The following KCNN3 variants were observed in gnomAD, a reference collection of about 807,000 sequenced individuals.
KCNN3 encodes small conductance calcium-activated potassium channel protein 3.
Under a neutral mutation model 62.9 loss-of-function variants are expected in KCNN3, and 16 were observed. That is an observed-to-expected ratio of 0.25 (90% CI 0.17 to 0.39). KCNN3 has a LOEUF of 0.39. Among genes scored for constraint, KCNN3 ranks in the 10% least tolerant of loss-of-function variants. The probability of loss-of-function intolerance (pLI) is 1.00; values close to 1 mark genes in which losing one functional copy is unlikely to be tolerated. For missense variants in KCNN3, 599 were observed against 949.4 expected (o/e 0.63, Z 4.85); for synonymous variants, 370 against 389.2 (o/e 0.95, Z 0.58).
chr1:154,727,818 G>A (rs915285828), intron 4 of KCNN3, among the ~76,000 whole-genome samples: 1 of 152,206 alleles, frequency 6.6e-6, no homozygotes, highest in African/African-American at 2.4e-5. Context: ...ATCCTAGAGG[G>A]AAGATGTGTG....
chr1:154,865,230 G>A (rs1366400998), intron 1 of KCNN3, among the ~76,000 whole-genome samples: 1 of 152,092 alleles, frequency 6.6e-6, no homozygotes, highest in Non-Finnish European at 1.5e-5. Context: ...GACTCCCCAG[G>A]TCCTTGCTGG....
chr1:154,833,061 C>G (rs948966077), intron 1 of KCNN3, among the ~76,000 whole-genome samples: 1 of 152,164 alleles, frequency 6.6e-6, no homozygotes, highest in Non-Finnish European at 1.5e-5. Flanking sequence ...GCCTTATCAC[C>G]CCTCCAATTG....
intron 1 of KCNN3, among the ~76,000 whole-genome samples, chr1:154,861,711 G>A (rs1652779396): frequency 2.0e-5 from 3 of 152,168 alleles, no homozygotes; most frequent in African/African-American, 7.2e-5. Context: ...ACCACCGTCC[G>A]CCTGGGATGG....
At position 154,698,246 on chromosome 1, in the gene KCNN3, G is replaced by A. The variant is rs1430453065; in HGVS notation, c.*9730C>T. On this transcript the variant is annotated 3_prime_UTR_variant, in exon 8 of 8. Coordinates refer to ENST00000271915, the MANE Select transcript of KCNN3 (RefSeq NM_002249.6). ...TACAGAAAAATTTATGGGAAGGAAA[G>A]TAAGGGTACAGGGTTTTCAACTTGG... is the stretch of plus-strand genomic sequence containing the variant. The A allele has an allele frequency of 1.3e-5, 2 of 152,132 alleles. No homozygotes were observed. The highest frequency in any genetic ancestry group is 4.8e-5 in the African/African-American group (2 of 41,412). The allele number at this position is 152,132 out of a possible 1,614,324, so 9.4% of individuals were successfully genotyped here. A position where few individuals can be genotyped will look rare whatever the true frequency, so the allele number is the denominator to read the frequency against.
chr1:154,714,541 G>GT (rs1557938478), intron 6 of KCNN3, among the ~76,000 whole-genome samples: 6 of 72,298 alleles, frequency 8.3e-5, no homozygotes, highest in African/African-American at 2.0e-4. Flanking sequence ...TGGTGTGTGT[G>GT]GGGTGTGTGT....
intron 2 of KCNN3, among the ~76,000 whole-genome samples, chr1:154,818,829 T>C (rs1273284339): frequency 2.0e-5 from 3 of 152,208 alleles, no homozygotes; most frequent in African/African-American, 7.2e-5. Flanking sequence ...ACTCAAGCCA[T>C]CTAAATGAAC....
chr1:154,843,934 C>G (rs1012109146), intron 1 of KCNN3, among the ~76,000 whole-genome samples: 6 of 152,236 alleles, frequency 3.9e-5, no homozygotes, highest in Non-Finnish European at 8.8e-5. Context: ...GAGTCCAGCA[C>G]AGGGTGCGGT....
Position 154,809,853 on chromosome 1 carries a change from A to G in KCNN3, c.1029+12236T>C, listed in dbSNP as rs907293064. On this transcript the variant is annotated intron_variant, in intron 2 of 7. Coordinates refer to ENST00000271915, the MANE Select transcript of KCNN3 (RefSeq NM_002249.6). The surrounding 1 kb of genome is among the most constrained non-coding windows in gnomAD (Gnocchi z 4.3). ...AGGGGTTTTAGTAAATATTCAATTC[A>G]ATATAAACTAACAGGCTACCATGAA... is the stretch of plus-strand genomic sequence containing the variant. Among the ~76,000 whole-genome samples the G allele has an allele frequency of 1.3e-5, 2 of 152,196 alleles. No homozygotes were observed. The highest frequency in any genetic ancestry group is 4.8e-5 in the African/African-American group (2 of 41,446).
intron 3 of KCNN3, 113 bp from the exon 4 acceptor site, chr1:154,733,257 C>T: frequency 9.0e-7 from 1 of 1,109,296 alleles, no homozygotes; most frequent in Non-Finnish European, 1.4e-6. Flanking sequence ...GAAGAGGCAG[C>T]AGTGACGGTG....
intron 1 of KCNN3, among the ~76,000 whole-genome samples, chr1:154,827,972 C>A (rs956839264): frequency 2.0e-5 from 3 of 152,170 alleles, no homozygotes. Context: ...GACCCTCTCT[C>A]TCCCAGGACT....
At chr1:154,731,374 CG>C (rs1700588052) in intron 4 of KCNN3, among the ~76,000 whole-genome samples, 1 of 152,260 alleles carries the variant, frequency 6.6e-6, no homozygotes, top group Non-Finnish European at 1.5e-5. Flanking sequence ...TAGCTGCTGT[CG>C]TAGGACCTGC....
rs1699802380 is a variant in KCNN3, at chr1:154,699,209, T to G, written c.*8767A>C. 2 of 151,698 alleles carry G rather than the reference T, an allele frequency of 1.3e-5. No individual in the cohort carries two copies. Among genetic ancestry groups the G allele is most frequent in the African/African-American group, 2.4e-5 (1 of 41,322 alleles). 9.4% of individuals were successfully genotyped at this position (151,698 alleles called of 1,614,324 possible). A position where few individuals can be genotyped will look rare whatever the true frequency, so the allele number is the denominator to read the frequency against. ...TTTTTTTTTTTTTTTTAATATCCTTTACCTTTTTAATAAAAAGTAAAAAAC... is the reference window on the plus strand; with the variant it reads ...TTTTTTTTTTTTTTTTAATATCCTTGACCTTTTTAATAAAAAGTAAAAAAC... On this transcript the variant is annotated 3_prime_UTR_variant, in exon 8 of 8. Transcript: ENST00000271915.
intron 3 of KCNN3, among the ~76,000 whole-genome samples, chr1:154,748,031 C>G (rs905133768): frequency 6.6e-6 from 1 of 152,206 alleles, no homozygotes; most frequent in African/African-American, 2.4e-5. Context: ...GCCATCTCCA[C>G]CCCCAGCACC....
intron 2 of KCNN3, among the ~76,000 whole-genome samples, chr1:154,808,990 C>A (rs901109700): frequency 6.6e-6 from 1 of 152,162 alleles, no homozygotes; most frequent in East Asian, 1.9e-4. Context: ...GGCTGCTCTG[C>A]GCCCACTGGA....
At chr1:154,856,862 C>T (rs1652553573) in intron 1 of KCNN3, among the ~76,000 whole-genome samples, 1 of 152,124 alleles carries the variant, frequency 6.6e-6, no homozygotes, top group Non-Finnish European at 1.5e-5. Context: ...ATAGAAGAAT[C>T]AGAGGATGGC....
chr1:154,697,799 A>T lies in KCNN3; in HGVS notation c.*10177T>A, dbSNP rs1699770368. ...GTAGAACTGAAGCCTGTAAGTTTTC[A>T]TTCACTCCTAAAGTGTGCTGAGAAA... is the stretch of plus-strand genomic sequence containing the variant. On this transcript the variant is annotated 3_prime_UTR_variant, in exon 8 of 8. Transcript: ENST00000271915. 6.6e-6 allele frequency: 1 copy of T among 152,184 alleles called. No individual in the cohort carries two copies. Among genetic ancestry groups the T allele is most frequent in the Non-Finnish European group, 1.5e-5 (1 of 68,026 alleles). The allele number at this position is 152,184 out of a possible 1,614,324, so 9.4% of individuals were successfully genotyped here.
intron 3 of KCNN3, among the ~76,000 whole-genome samples, chr1:154,763,374 T>C (rs1049977992): frequency 1.3e-5 from 2 of 152,160 alleles, no homozygotes; most frequent in Admixed American, 1.3e-4. Flanking sequence ...TTTTTTTCTG[T>C]TTTTGTTATT....
chr1:154,720,182 G>A (rs546781346), intron 5 of KCNN3, among the ~76,000 whole-genome samples: 10 of 152,296 alleles, frequency 6.6e-5, no homozygotes, highest in South Asian at 2.1e-4. Flanking sequence ...TGCATAGGCC[G>A]GGGGCCCACC....
chr1:154,823,534 G>A (rs1263039013), intron 1 of KCNN3, among the ~76,000 whole-genome samples: 1 of 152,214 alleles, frequency 6.6e-6, no homozygotes, highest in Admixed American at 6.5e-5. Flanking sequence ...TGGGTGGCTT[G>A]TGCCAGAATT....
Sources: allele counts gnomAD v4.1 joint callset (sites outside exome capture counted in the v4.1 genomes callset), GRCh38; gene constraint gnomAD v4.1.1; non-coding constraint Gnocchi (gnomAD v3.1); transcripts MANE v1.5; gene names NCBI Gene and HGNC (gene_info 2026-07-23, HGNC 2026-07-21).